Variants in SV2C observed in about 807,000 individuals in gnomAD.
SV2C encodes the protein synaptic vesicle glycoprotein 2C, also known as solute carrier family 22 member B3.
SV2C carries 49 observed loss-of-function variants against 79.7 expected under a neutral mutation model. That is an observed-to-expected ratio of 0.61 (90% CI 0.49 to 0.78). The LOEUF (loss-of-function observed/expected upper bound fraction) is 0.78. SV2C is among the 30% of genes least tolerant of loss of function. The probability of loss-of-function intolerance (pLI) is 0.00; values close to 1 mark genes in which losing one functional copy is unlikely to be tolerated. For synonymous variants in SV2C, 334 were observed against 333.2 expected (o/e 1.00, Z -0.03); for missense variants, 833 against 912.9 (o/e 0.91, Z 1.13).
the SV2C span, among the ~76,000 whole-genome samples, chr5:76,048,955 GAA>G: frequency 1.6e-5 from 2 of 125,074 alleles, no homozygotes; most frequent in Admixed American, 9.0e-5. Context: ...GAAAGAGAGA[GAA>G]AGAAAAAGAG....
At chr5:75,882,672 G>A in the SV2C span, among the ~76,000 whole-genome samples, 993 of 151,506 alleles carry the variant, frequency 6.6e-3, 8 homozygotes, top group African/African-American at 0.023. Context: ...TTTAATAAAT[G>A]GTGCTGGGAA....
intron 2 of SV2C, among the ~76,000 whole-genome samples, chr5:76,165,071 T>G (rs1309372977): frequency 6.6e-6 from 1 of 152,152 alleles, no homozygotes. Context: ...GATCTGCAGT[T>G]GGTTGAGTCC....
chr5:76,129,918 G>A (rs1580290305), intron 1 of SV2C, among the ~76,000 whole-genome samples: 1 of 151,992 alleles, frequency 6.6e-6, no homozygotes, highest in South Asian at 2.1e-4. Flanking sequence ...GGATAGGATG[G>A]CAGTTTATTT....
Position 76,288,410 on chromosome 5 carries a change from T to G in SV2C, c.1137+2540T>G, listed in dbSNP as rs1747423903. 2.0e-5 allele frequency among the ~76,000 whole-genome samples: 3 copies of G among 152,220 alleles called. No homozygotes were observed. In the South Asian group the frequency reaches 6.2e-4, roughly 31 times the overall value. ...GAGAAATGAAGATAAGTAATGGATA[T>G]CCTCAATTAAGGCCTGGAAGCTTTT... On this transcript the variant is annotated intron_variant, in intron 6 of 12. Transcript: ENST00000502798.
chr5:76,323,121 T>C (rs1174425084), intron 12 of SV2C, among the ~76,000 whole-genome samples: 1 of 152,188 alleles, frequency 6.6e-6, no homozygotes, highest in Non-Finnish European at 1.5e-5. Flanking sequence ...GGGAGAACAT[T>C]TTTGCAATCT....
chr5:75,942,968 A>G, the SV2C span, among the ~76,000 whole-genome samples: 1 of 152,196 alleles, frequency 6.6e-6, no homozygotes, highest in African/African-American at 2.4e-5. Context: ...GCTGGAGACC[A>G]GCCTGAGCAA....
chr5:76,088,441 A>C (rs553599787), intron 1 of SV2C, among the ~76,000 whole-genome samples: 70 of 152,328 alleles, frequency 4.6e-4, no homozygotes, highest in African/African-American at 1.7e-3. Context: ...TCCAAGATCA[A>C]GTTCCCAGAA....
chr5:76,006,482 T>C, the SV2C span, among the ~76,000 whole-genome samples: 77,870 of 152,082 alleles, frequency 0.51, 20,921 homozygotes, highest in Middle Eastern at 0.71. Flanking sequence ...CATGCAGGAA[T>C]ATCTCTGATT....
intron 4 of SV2C, chr5:76,281,004 G>A: frequency 1.1e-5 from 6 of 539,722 alleles, no homozygotes; most frequent in South Asian, 8.3e-5. Context: ...CAGGGAGGCA[G>A]AAATGAGAAA....
chr5:76,220,364 C>T (rs2112375483), intron 4 of SV2C, among the ~76,000 whole-genome samples: 1 of 152,188 alleles, frequency 6.6e-6, no homozygotes, highest in South Asian at 2.1e-4. Context: ...TCCATTTCTT[C>T]ACTTTAGTTA....
intron 4 of SV2C, among the ~76,000 whole-genome samples, chr5:76,268,102 G>T (rs1403905700): frequency 6.6e-6 from 1 of 152,170 alleles, no homozygotes; most frequent in African/African-American, 2.4e-5. Context: ...GGGAGCCCCT[G>T]GTTGGAAATG....
chr5:76,333,610 G>T lies in SV2C; in HGVS notation c.*8063G>T, dbSNP rs918388835. ...CCCCTATTGTACTGTATATACGTGT[G>T]CTGCATGTGTAAATTCTGTTTCAGG... On this transcript the variant is annotated 3_prime_UTR_variant, in exon 13 of 13. Transcript: ENST00000502798. 5 of 152,162 alleles carry T rather than the reference G, an allele frequency of 3.3e-5. No individual in the cohort carries two copies. The South Asian group carries it at 6.2e-4, about 19-fold the overall frequency. The allele number at this position is 152,162 out of a possible 1,614,324, so 9.4% of individuals were successfully genotyped here.
intron 4 of SV2C, among the ~76,000 whole-genome samples, chr5:76,215,796 G>A: frequency 6.6e-6 from 1 of 152,210 alleles, no homozygotes; most frequent in Middle Eastern, 3.4e-3. Flanking sequence ...TTGCTCTGGA[G>A]AGAAGGAATG....
chr5:76,192,626 C>T (rs1026232807), intron 2 of SV2C, among the ~76,000 whole-genome samples: 2 of 152,170 alleles, frequency 1.3e-5, no homozygotes, highest in Admixed American at 1.3e-4. Flanking sequence ...AATTATTCAC[C>T]TGATGCCTTT....
chr5:75,857,257 G>A, the SV2C span, among the ~76,000 whole-genome samples: 5 of 151,964 alleles, frequency 3.3e-5, no homozygotes, highest in Admixed American at 6.6e-5. Context: ...GCGCCCGGCC[G>A]TCTTTAATCC....
At chr5:76,161,081 A>G (rs1742885642) in intron 2 of SV2C, among the ~76,000 whole-genome samples, 1 of 152,216 alleles carries the variant, frequency 6.6e-6, no homozygotes, top group South Asian at 2.1e-4. Context: ...AACATTTCTA[A>G]TAACACTGTT....
At chr5:76,133,904 A>G (rs1053288555) in intron 2 of SV2C, among the ~76,000 whole-genome samples, 1 of 152,228 alleles carries the variant, frequency 6.6e-6, no homozygotes, top group African/African-American at 2.4e-5. Context: ...ATAGACCCTG[A>G]GAAATATACT....
At chr5:75,899,636 T>G in the SV2C span, among the ~76,000 whole-genome samples, 1 of 152,170 alleles carries the variant, frequency 6.6e-6, no homozygotes, top group South Asian at 2.1e-4. Context: ...ACTTTCTGTC[T>G]CGTTGATCTG....
At chr5:75,864,491 T>TTGGTCTC in the SV2C span, among the ~76,000 whole-genome samples, 3 of 152,198 alleles carry the variant, frequency 2.0e-5, no homozygotes, top group African/African-American at 7.2e-5. Context: ...CGAGGTAGAC[T>TTGGTCTC]TGTTACATCT....
Sources: allele counts gnomAD v4.1 joint callset (sites outside exome capture counted in the v4.1 genomes callset), GRCh38; gene constraint gnomAD v4.1.1; transcripts MANE v1.5; gene names NCBI Gene and HGNC (gene_info 2026-07-23, HGNC 2026-07-21).